MTG2: variants seen among roughly 807,000 people sequenced by gnomAD.
MTG2 encodes mitochondrial ribosome-associated GTPase 2.
In MTG2, 23 loss-of-function variants were observed where a neutral mutation model predicts 28.6. The ratio of observed to expected loss-of-function variants is 0.80; its 90% CI spans 0.58 to 1.14. The LOEUF (loss-of-function observed/expected upper bound fraction) is 1.14, where lower values mean the gene tolerates loss of function less well. MTG2 is among the 50% of genes most tolerant of loss of function. The pLI is 0.00. For synonymous variants in MTG2, 260 were observed against 251.8 expected, an observed-to-expected ratio of 1.03 and a Z score of -0.31; for missense variants, 539 against 552.0, an observed-to-expected ratio of 0.98 and a Z score of 0.24.
chr20:62,200,809 G>A lies in MTG2; in HGVS notation c.953G>A (p.Trp318Ter). Residue 318 changes from tryptophan to a stop codon, truncating the protein, a stop_gained, in exon 7 of 7, where the codon TGG becomes TAG. Coordinates refer to ENST00000370823, the MANE Select transcript of MTG2 (RefSeq NM_015666.4). LOFTEE classifies it low-confidence loss of function (END_TRUNC). ...FVVDLSQPEP[W>*]TQVDDLKYEL... ...GTGGATCTTTCTCAGCCTGAGCCGT[G>A]GACTCAAGTTGACGATTTAAAATAT... The A allele has an allele frequency of 6.2e-7, 1 of 1,613,916 alleles. No individual in the cohort carries two copies. The highest frequency in any genetic ancestry group is 8.5e-7 in the Non-Finnish European group (1 of 1,180,038).
chr20:62,196,905 A>G (rs572447303), intron 3 of MTG2, among the ~76,000 whole-genome samples: 133 of 151,666 alleles, frequency 8.8e-4, no homozygotes, highest in African/African-American at 3.1e-3. Flanking sequence ...GGTGGTGGGC[A>G]CTTGTAATCC....
chr20:62,192,139 T>G (rs2057972368), intron 1 of MTG2, among the ~76,000 whole-genome samples: 1 of 152,226 alleles, frequency 6.6e-6, no homozygotes, highest in South Asian at 2.1e-4. Context: ...GACCCCAGCG[T>G]TAGGGGCTCA....
intron 3 of MTG2, among the ~76,000 whole-genome samples, chr20:62,196,167 GT>G (rs35103146): frequency 0.33 from 48,562 of 145,848 alleles, 8,696 homozygotes; most frequent in East Asian, 0.73. Flanking sequence ...TTGTTTTTTT[GT>G]TTTTTTTTTT....
intron 2 of MTG2, among the ~76,000 whole-genome samples, chr20:62,194,204 T>G (rs562474655): frequency 1.1e-4 from 16 of 152,310 alleles, no homozygotes; most frequent in African/African-American, 3.6e-4. Flanking sequence ...TACCAAAACC[T>G]CCTATTTAAA....
At position 62,201,212 on chromosome 20, in the gene MTG2, T is replaced by A; in HGVS notation, c.*135T>A. 9.1e-7 allele frequency: 1 copy of A among 1,095,008 alleles called. No homozygotes were observed. Among genetic ancestry groups the A allele is most frequent in the Non-Finnish European group, 1.3e-6 (1 of 789,792 alleles). 67.8% of individuals were successfully genotyped at this position (1,095,008 alleles called of 1,614,324 possible). A position where few individuals can be genotyped will look rare whatever the true frequency, so the allele number is the denominator to read the frequency against. ...TTCTGGGTCTCTGGGCCCCGCCTGC[T>A]GGCCTGAGATGCCCTCATGTTGGGA... On this transcript the variant is annotated 3_prime_UTR_variant, in exon 7 of 7. Transcript: ENST00000370823.
chr20:62,199,163 T>C lies in MTG2; in HGVS notation c.732T>C (p.Ile244=). ...NAGKSSLLRA[I]SNARPAVASY... is the part of the protein sequence containing the mutation. ...GGAAGTCCTCACTGCTCCGGGCCATTTCAAACGCCAGACCCGCCGTGGCTT... is the reference window on the plus strand; with the variant it reads ...GGAAGTCCTCACTGCTCCGGGCCATCTCAAACGCCAGACCCGCCGTGGCTT... The change falls in exon 6 of 7, where the codon ATT becomes ATC. Residue 244 remains isoleucine, a synonymous_variant. Coordinates refer to ENST00000370823, the MANE Select transcript of MTG2 (RefSeq NM_015666.4). 6.2e-7 allele frequency: 1 copy of C among 1,614,100 alleles called. No homozygotes were observed. Among genetic ancestry groups the C allele is most frequent in the Non-Finnish European group, 8.5e-7 (1 of 1,180,012 alleles).
intron 1 of MTG2, among the ~76,000 whole-genome samples, chr20:62,183,513 A>G (rs889642125): frequency 6.6e-6 from 1 of 152,278 alleles, no homozygotes. Context: ...TTTGGATGAT[A>G]AAACAACAAT....
Position 62,201,187 on chromosome 20 carries a change from T to A in MTG2, c.*110T>A. On this transcript the variant is annotated 3_prime_UTR_variant, in exon 7 of 7. Transcript: ENST00000370823. ...TGTGGACACGGGGGAGTTGTGGTGC[T>A]TCTGGGTCTCTGGGCCCCGCCTGCT... 7.4e-7 allele frequency: 1 copy of A among 1,344,934 alleles called. No homozygotes were observed. The allele number at this position is 1,344,934 out of a possible 1,614,324, so 83.3% of individuals were successfully genotyped here.
rs1021709409 is a variant in MTG2 at position 62,203,450 on chromosome 20, G to A, written c.*2373G>A. 1 of 152,322 alleles carries A rather than the reference G, an allele frequency of 6.6e-6. No individual in the cohort carries two copies. The allele number at this position is 152,322 out of a possible 1,614,324, so 9.4% of individuals were successfully genotyped here. Reference sequence around the variant, plus strand: ...TCCAACACTGTTCTCCCTGAGTAGGGTAAAGCTACACTTGGCTTCCCCAGT... The same window carrying A: ...TCCAACACTGTTCTCCCTGAGTAGGATAAAGCTACACTTGGCTTCCCCAGT... On this transcript the variant is annotated 3_prime_UTR_variant, in exon 7 of 7. Transcript: ENST00000370823.
At chr20:62,200,038 A>G (rs1339983916) in intron 6 of MTG2, 2 of 152,134 alleles carry the variant, frequency 1.3e-5, no homozygotes, top group Non-Finnish European at 2.9e-5. Flanking sequence ...CCTGTTCTCT[A>G]TGAAAATCAG....
At position 62,198,271 on chromosome 20, in the gene MTG2, C is replaced by T. The variant is rs138938887; in HGVS notation, c.468+304C>T. 1,896 of 516,372 alleles carry T rather than the reference C, an allele frequency of 3.7e-3. 12 individuals are homozygous for T. Among genetic ancestry groups the T allele is most frequent in the Admixed American group, 6.5e-3 (198 of 30,484 alleles). 32.0% of individuals were successfully genotyped at this position (516,372 alleles called of 1,614,324 possible). A position where few individuals can be genotyped will look rare whatever the true frequency, so the allele number is the denominator to read the frequency against. On this transcript the variant is annotated intron_variant, in intron 4 of 6. Transcript: ENST00000370823. Reference sequence around the variant, plus strand: ...TTCCTCCGTCTCTGACCCCATGAGCCGACCTCTGACTGAGGGAGGCCACTG... The same window carrying T: ...TTCCTCCGTCTCTGACCCCATGAGCTGACCTCTGACTGAGGGAGGCCACTG...
chr20:62,197,790 C>T, intron 3 of MTG2, 62 bp from the exon 4 acceptor site: 2 of 1,419,056 alleles, frequency 1.4e-6, no homozygotes, highest in Admixed American at 1.7e-5. Context: ...GACCCAGACA[C>T]ATCAGCAATA....
In MTG2 at chr20:62,199,204, C is replaced by T. The variant is rs1389044791; in HGVS notation, c.773C>T (p.Thr258Ile). 3.7e-6 allele frequency: 6 copies of T among 1,614,232 alleles called. No individual in the cohort carries two copies. Among genetic ancestry groups the T allele is most frequent in the Non-Finnish European group, 5.1e-6 (6 of 1,180,038 alleles). ...RPAVASYPFTTLKPHVGIVHY... is the reference protein window; with the variant it reads ...RPAVASYPFTILKPHVGIVHY... ...GCCGTGGCTTCCTACCCGTTCACCA[C>T]CCTGAAGCCCCACGTCGGGATCGTC... Residue 258 changes from threonine to isoleucine, a missense_variant, in exon 6 of 7, where the codon ACC (threonine) becomes ATC (isoleucine). Physicochemically the swap from Thr to Ile is moderately conservative, Grantham distance 89. Coordinates refer to ENST00000370823, the MANE Select transcript of MTG2 (RefSeq NM_015666.4).
In MTG2 at chr20:62,199,264, C is replaced by G. The variant is rs573259849; in HGVS notation, c.826+7C>G. On this transcript the variant is annotated splice_region_variant and intron_variant, in intron 6 of 6. Coordinates refer to ENST00000370823, the MANE Select transcript of MTG2 (RefSeq NM_015666.4). ...GGCCACCTACAAATAGCAGGTAGAA[C>G]TTCCAGAATTCTCCCAAAGGTTAGA... 31 of 1,608,190 alleles carry G rather than the reference C, an allele frequency of 1.9e-5. 1 individual carries two copies. The South Asian group carries it at 3.2e-4, about 17-fold the overall frequency.
At position 62,201,064 on chromosome 20, in the gene MTG2, C is replaced by A; in HGVS notation, c.1208C>A (p.Pro403Gln). The change falls in exon 7 of 7, where the codon CCG becomes CAG. Residue 403 changes from proline (P) to glutamine (Q), a missense_variant. Pro to Gln is a moderately conservative substitution (Grantham distance 76, BLOSUM62 -1). Transcript: ENST00000370823. ...GCCGAGCTGGGCCAGGGCCGCCAGC[C>A]GCTCAGGTGGTAGCCACGCCAGAGC... ...AEAELGQGRQ[P>Q]LRW 1.9e-6 allele frequency: 3 copies of A among 1,598,640 alleles called. No individual in the cohort carries two copies. Among genetic ancestry groups the A allele is most frequent in the Non-Finnish European group, 2.6e-6 (3 of 1,173,322 alleles).
At chr20:62,189,173 C>T (rs1372386988) in intron 1 of MTG2, among the ~76,000 whole-genome samples, 1 of 151,982 alleles carries the variant, frequency 6.6e-6, no homozygotes, top group East Asian at 1.9e-4. Flanking sequence ...GGCACAGTGG[C>T]ACTTACCTGT....
chr20:62,196,986 C>T (rs543664482), intron 3 of MTG2, among the ~76,000 whole-genome samples: 2 of 151,916 alleles, frequency 1.3e-5, no homozygotes, highest in East Asian at 3.9e-4. Flanking sequence ...GAGCTGAGAT[C>T]GTGCCATTGC....
intron 1 of MTG2, 57 bp from the exon 2 acceptor site, chr20:62,193,357 TTC>T (rs1359501338): frequency 1.1e-5 from 17 of 1,535,758 alleles, no homozygotes; most frequent in Admixed American, 6.8e-5. Context: ...CGTCTTCAGT[TTC>T]TGTTTCATGC....
At chr20:62,189,690 G>A (rs570803388) in intron 1 of MTG2, among the ~76,000 whole-genome samples, 1,564 of 135,950 alleles carry the variant, frequency 0.012, 16 homozygotes, top group Non-Finnish European at 0.016. Flanking sequence ...TTTTGAGATG[G>A]AGTCTCGCTC....
Sources: gnomAD v4.1 joint callset for allele counts (sites outside exome capture counted in the v4.1 genomes callset) on GRCh38, gnomAD v4.1.1 for gene constraint, MANE v1.5 for transcripts, NCBI Gene and HGNC (gene_info 2026-07-23, HGNC 2026-07-21) for gene names.